Variants in PDE3A observed in about 807,000 individuals in gnomAD.
PDE3A encodes the protein cGMP-inhibited 3',5'-cyclic phosphodiesterase 3A.
Under a neutral mutation model 98.3 loss-of-function variants are expected in PDE3A, and 43 were observed. The observed-to-expected ratio is 0.44, with a 90% CI of 0.34 to 0.56. The LOEUF (loss-of-function observed/expected upper bound fraction) is 0.56. Ranked by LOEUF, PDE3A falls within the 20% of genes least tolerant of loss-of-function variation. The pLI, the probability that PDE3A is intolerant of heterozygous loss-of-function variation, is 0.01. For missense variants in PDE3A, 1,427 were observed against 1,440.7 expected (o/e 0.99, Z 0.15); for synonymous variants, 663 against 567.9 (o/e 1.17, Z -2.38).
chr12:20,385,995 AATAT>A (rs1311253635), intron 1 of PDE3A, among the ~76,000 whole-genome samples: 1 of 105,502 alleles, frequency 9.5e-6, no homozygotes, highest in African/African-American at 4.6e-5. Context: ...ATATATATAA[AATAT>A]ATATATAAAT....
intron 10 of PDE3A, among the ~76,000 whole-genome samples, chr12:20,646,231 G>A (rs948663807): frequency 1.3e-5 from 2 of 152,160 alleles, no homozygotes; most frequent in Admixed American, 6.5e-5. Context: ...ATAGTTTGTA[G>A]TCGACTGTTG....
intron 1 of PDE3A, among the ~76,000 whole-genome samples, chr12:20,497,777 T>C (rs74066465): frequency 0.012 from 1,775 of 152,232 alleles, 27 homozygotes; most frequent in African/African-American, 0.041. Flanking sequence ...TAGAGACTCA[T>C]TGATCAAATA....
chr12:20,549,279 C>T (rs982593787), intron 1 of PDE3A, among the ~76,000 whole-genome samples: 4 of 149,696 alleles, frequency 2.7e-5, no homozygotes, highest in Admixed American at 6.8e-5. Context: ...GAAGTTTATC[C>T]TTACATCTCC....
At chr12:20,431,622 C>CACGCACACACAT (rs397716836) in intron 1 of PDE3A, among the ~76,000 whole-genome samples, 1 of 151,174 alleles carries the variant, frequency 6.6e-6, no homozygotes. Context: ...CACACACACA[C>CACGCACACACAT]GCACACACAC....
intron 1 of PDE3A, among the ~76,000 whole-genome samples, chr12:20,428,922 G>A (rs1182142324): frequency 6.6e-6 from 1 of 152,126 alleles, no homozygotes. Flanking sequence ...AACTGTGATA[G>A]GTTACCAACA....
chr12:20,633,929 G>C (rs1944441217), intron 7 of PDE3A, 151 bp downstream of exon 7: 1 of 545,202 alleles, frequency 1.8e-6, no homozygotes, highest in Non-Finnish European at 3.3e-6. Context: ...CAAACTCCTG[G>C]CCTCAAGTGA....
intron 1 of PDE3A, among the ~76,000 whole-genome samples, chr12:20,533,485 T>C (rs1035844925): frequency 2.7e-4 from 41 of 150,920 alleles, no homozygotes; most frequent in South Asian, 6.3e-4. Context: ...TTTCTTTTTT[T>C]TTTTTTTTTG....
chr12:20,587,439 A>T, intron 2 of PDE3A, among the ~76,000 whole-genome samples: 1 of 150,700 alleles, frequency 6.6e-6, no homozygotes, highest in East Asian at 1.9e-4. Flanking sequence ...ATTGGGATGA[A>T]TTTTTTTTTT....
At chr12:20,375,839 G>T (rs1281780514) in intron 1 of PDE3A, among the ~76,000 whole-genome samples, 1 of 151,870 alleles carries the variant, frequency 6.6e-6, no homozygotes, top group Non-Finnish European at 1.5e-5. Flanking sequence ...CTTGGAGCAG[G>T]TTTTTAACCT....
chr12:20,436,101 G>T (rs141541473), intron 1 of PDE3A, among the ~76,000 whole-genome samples: 151 of 152,114 alleles, frequency 9.9e-4, no homozygotes, highest in Admixed American at 1.7e-3. Flanking sequence ...AGAAATGCAG[G>T]GTCTCAGGTT....
intron 2 of PDE3A, among the ~76,000 whole-genome samples, chr12:20,588,088 G>A (rs1289856303): frequency 6.6e-6 from 1 of 152,176 alleles, no homozygotes; most frequent in African/African-American, 2.4e-5. Context: ...CTGCTGGGGA[G>A]GGGAGAGCAA....
chr12:20,503,998 A>G (rs1317982133), intron 1 of PDE3A, among the ~76,000 whole-genome samples: 1 of 152,058 alleles, frequency 6.6e-6, no homozygotes, highest in Non-Finnish European at 1.5e-5. Context: ...AAATTTAGGG[A>G]TTGTTCATAT....
chr12:20,666,246 T>A (rs747531313), intron 15 of PDE3A, among the ~76,000 whole-genome samples: 6 of 152,220 alleles, frequency 3.9e-5, no homozygotes, highest in Non-Finnish European at 8.8e-5. Flanking sequence ...ATTACAGGCA[T>A]GAGCCACTGC....
At chr12:20,413,180 G>A (rs1246819781) in intron 1 of PDE3A, among the ~76,000 whole-genome samples, 1 of 152,178 alleles carries the variant, frequency 6.6e-6, no homozygotes, top group Non-Finnish European at 1.5e-5. Flanking sequence ...TTGTCTATGG[G>A]ACCAGTGAAA....
Position 20,637,195 on chromosome 12 carries a change from A to C in PDE3A, c.2097A>C (p.Leu699Phe). ...LNTWNFPIFD[L>F]VENIGRKCGR... is the part of the protein sequence containing the mutation. ...CTTGGAATTTTCCAATTTTTGATTT[A>C]GTGGAAAATATAGGAAGAAAATGTG... The change falls in exon 9 of 16, where the codon TTA (leucine) becomes TTC (phenylalanine). Residue 699 changes from leucine to phenylalanine, a missense_variant. Coordinates refer to ENST00000359062, the MANE Select transcript of PDE3A (RefSeq NM_000921.5). 1.2e-6 allele frequency: 2 copies of C among 1,609,766 alleles called. No homozygotes were observed. Among genetic ancestry groups the C allele is most frequent in the Non-Finnish European group, 1.7e-6 (2 of 1,176,612 alleles).
At chr12:20,451,335 G>A (rs1194174083) in intron 1 of PDE3A, among the ~76,000 whole-genome samples, 15 of 152,082 alleles carry the variant, frequency 9.9e-5, no homozygotes, top group African/African-American at 2.4e-5. Flanking sequence ...GTGCAGTGCT[G>A]CCATCTCAGC....
intron 1 of PDE3A, chr12:20,371,525 C>G: frequency 1.1e-6 from 1 of 906,038 alleles, no homozygotes; most frequent in African/African-American, 1.8e-5. Context: ...TTGGGTATTT[C>G]TAAGAAATAG....
At chr12:20,497,856 G>A (rs2121070969) in intron 1 of PDE3A, among the ~76,000 whole-genome samples, 1 of 152,130 alleles carries the variant, frequency 6.6e-6, no homozygotes, top group Non-Finnish European at 1.5e-5. Context: ...GCCCTGTTCT[G>A]TTCAATTGTG....
intron 14 of PDE3A, among the ~76,000 whole-genome samples, chr12:20,652,988 G>A (rs866941565): frequency 3.3e-5 from 5 of 152,020 alleles, no homozygotes; most frequent in South Asian, 2.1e-4. Flanking sequence ...CTCGAAATAT[G>A]GAAATGCAGA....
Sources: allele counts gnomAD v4.1 joint callset (sites outside exome capture counted in the v4.1 genomes callset), GRCh38; gene constraint gnomAD v4.1.1; transcripts MANE v1.5; gene names NCBI Gene and HGNC (gene_info 2026-07-23, HGNC 2026-07-21).